Variants in ANOS1 observed in about 807,000 individuals in gnomAD.
ANOS1 encodes anosmin-1.
In ANOS1, 6 loss-of-function variants were observed where a neutral mutation model predicts 59.0. The observed-to-expected ratio is 0.10, with a 90% CI of 0.06 to 0.20. The LOEUF (loss-of-function observed/expected upper bound fraction) is 0.20, where lower values mean the gene tolerates loss of function less well. Among genes scored for constraint, ANOS1 ranks in the 10% least tolerant of loss-of-function variants. The probability of loss-of-function intolerance (pLI) is 1.00; values close to 1 mark genes in which losing one functional copy is unlikely to be tolerated. For missense variants in ANOS1, 433 were observed against 542.3 expected, an observed-to-expected ratio of 0.80 and a Z score of 2.00; for synonymous variants, 217 against 223.4, an observed-to-expected ratio of 0.97 and a Z score of 0.25.
rs766360369 is a variant in ANOS1, at chrX:8,592,734, A to C, written c.541+4300T>G. ...TTCTACCTGTAGACTTTCTACAACT[A>C]TATGAAGTTTTGCATTTCATAGAAC... On this transcript the variant is annotated intron_variant, in intron 4 of 13. Transcript: ENST00000262648. Among the ~76,000 whole-genome samples the C allele has an allele frequency of 8.0e-5, 9 of 112,017 alleles. No homozygotes were observed. The East Asian group carries it at 2.5e-3, about 31-fold the overall frequency.
chrX:8,592,316 T>A (rs1331778931), intron 4 of ANOS1, among the ~76,000 whole-genome samples: 2 of 111,986 alleles, frequency 1.8e-5, no homozygotes, highest in Admixed American at 9.5e-5. Flanking sequence ...TGAGAAGTTG[T>A]ATAAATCTAT....
intron 1 of ANOS1, among the ~76,000 whole-genome samples, chrX:8,706,331 A>C (rs1932779770): frequency 8.9e-6 from 1 of 112,544 alleles, no homozygotes; most frequent in Non-Finnish European, 1.9e-5. Context: ...TTTGAAATAG[A>C]AATCAGTCAG....
chrX:8,581,451 C>T (rs914247410), intron 6 of ANOS1, among the ~76,000 whole-genome samples: 5 of 111,714 alleles, frequency 4.5e-5, no homozygotes, highest in African/African-American at 1.3e-4. Flanking sequence ...CAGACTAATA[C>T]AACACCCAAA....
chrX:8,667,455 G>A (rs758709815), intron 2 of ANOS1, among the ~76,000 whole-genome samples: 37 of 111,104 alleles, frequency 3.3e-4, no homozygotes, highest in Non-Finnish European at 6.4e-4. Flanking sequence ...ACCACTGTGC[G>A]AGCTTCATTC....
At chrX:8,550,602 T>C (rs1444188376) in intron 9 of ANOS1, among the ~76,000 whole-genome samples, 2 of 111,607 alleles carry the variant, frequency 1.8e-5, no homozygotes, top group Non-Finnish European at 3.8e-5. Context: ...CTATAGTAGT[T>C]AAGACAGTAA....
rs1346370589 is a variant in ANOS1 at position 8,641,628 on chromosome X, G to T, written c.256-17958C>A. ...CACAAATACAAAGGCTATCTTATTG[G>T]AAGTCTTCATGGATTTCTTAAAGCG... On this transcript the variant is annotated intron_variant, in intron 2 of 13. Transcript: ENST00000262648. Among the ~76,000 whole-genome samples the T allele has an allele frequency of 2.7e-5, 3 of 111,900 alleles. No individual in the cohort carries two copies. The East Asian group carries it at 8.4e-4, about 31-fold the overall frequency.
intron 2 of ANOS1, among the ~76,000 whole-genome samples, chrX:8,668,898 A>T (rs1191953470): frequency 2.7e-5 from 3 of 111,539 alleles, no homozygotes; most frequent in African/African-American, 9.8e-5. Flanking sequence ...GGGATGAGAA[A>T]GGGGAGTCAC....
chrX:8,627,564 G>A (rs1018061451), intron 2 of ANOS1, among the ~76,000 whole-genome samples: 9 of 111,607 alleles, frequency 8.1e-5, no homozygotes, highest in African/African-American at 1.3e-4. Context: ...GTAATCAGCA[G>A]TATCTAAAGA....
chrX:8,694,642 T>C (rs766252228), intron 2 of ANOS1, among the ~76,000 whole-genome samples: 4 of 112,474 alleles, frequency 3.6e-5, no homozygotes, highest in Non-Finnish European at 5.6e-5. Flanking sequence ...CACTACAGCC[T>C]GGGCAACAAG....
chrX:8,676,047 T>C (rs965721711), intron 2 of ANOS1, among the ~76,000 whole-genome samples: 1 of 111,228 alleles, frequency 9.0e-6, no homozygotes, highest in African/African-American at 3.3e-5. Context: ...TTTTTCATTT[T>C]TATGGCTGCA....
chrX:8,543,683 G>T (rs989197905), intron 9 of ANOS1, among the ~76,000 whole-genome samples: 6 of 110,099 alleles, frequency 5.4e-5, no homozygotes, highest in African/African-American at 2.0e-4. Context: ...GGCCAGCATG[G>T]TGAAACCCTG....
intron 2 of ANOS1, among the ~76,000 whole-genome samples, chrX:8,629,261 T>A (rs1569068284): frequency 9.0e-6 from 1 of 110,723 alleles, no homozygotes; most frequent in Non-Finnish European, 1.9e-5. Flanking sequence ...AAAAAAATTT[T>A]AAAAAGGGCA....
At chrX:8,658,031 A>G (rs1387963292) in intron 2 of ANOS1, among the ~76,000 whole-genome samples, 1 of 111,591 alleles carries the variant, frequency 9.0e-6, no homozygotes, top group East Asian at 2.8e-4. Context: ...TCCCGAGGGC[A>G]TTAACTCCCA....
rs377205339 is a variant in ANOS1, at chrX:8,683,012, G to A, written c.255+16686C>T. Among the ~76,000 whole-genome samples, 196 of 111,171 alleles carry A rather than the reference G, an allele frequency of 1.8e-3. No homozygotes were observed. In the South Asian group the frequency reaches 0.018, roughly 10 times the overall value. ...ATCAGAATCTATGGAGGTGGGGCCC[G>A]GGAATCTGCATTTGAGCAAGCCCGC... On this transcript the variant is annotated intron_variant, in intron 2 of 13. Coordinates refer to ENST00000262648, the MANE Select transcript of ANOS1 (RefSeq NM_000216.4).
intron 2 of ANOS1, among the ~76,000 whole-genome samples, chrX:8,692,871 T>C (rs1036574111): frequency 2.7e-5 from 3 of 112,494 alleles, no homozygotes; most frequent in Non-Finnish European, 5.6e-5. Context: ...TCCCACAGCA[T>C]GTAAATCTTA....
chrX:8,541,413 C>G (rs774022384), intron 9 of ANOS1, among the ~76,000 whole-genome samples: 7 of 101,638 alleles, frequency 6.9e-5, no homozygotes, highest in African/African-American at 1.1e-4. Flanking sequence ...CCCACCACCC[C>G]CCCCCCAAAA....
intron 2 of ANOS1, among the ~76,000 whole-genome samples, chrX:8,666,477 C>T (rs1377428822): frequency 1.8e-5 from 2 of 111,636 alleles, no homozygotes; most frequent in Non-Finnish European, 3.8e-5. Flanking sequence ...TTCCTGGAGC[C>T]TGAGAGAAAA....
At chrX:8,680,004 T>C (rs1932397420) in intron 2 of ANOS1, among the ~76,000 whole-genome samples, 2 of 108,833 alleles carry the variant, frequency 1.8e-5, no homozygotes, top group Non-Finnish European at 1.9e-5. Flanking sequence ...CTACTAAAAA[T>C]ACAAAAATTA....
intron 2 of ANOS1, among the ~76,000 whole-genome samples, chrX:8,628,745 G>A (rs1473175448): frequency 2.7e-5 from 3 of 112,329 alleles, no homozygotes; most frequent in East Asian, 2.8e-4. Context: ...CATTTCTTCC[G>A]AGGCTACTGC....
Sources: gnomAD v4.1 joint callset for allele counts (sites outside exome capture counted in the v4.1 genomes callset) on GRCh38, gnomAD v4.1.1 for gene constraint, MANE v1.5 for transcripts, NCBI Gene and HGNC (gene_info 2026-07-23, HGNC 2026-07-21) for gene names.